The following POFUT1 variants were observed in gnomAD, a reference collection of about 807,000 sequenced individuals.
The protein encoded by POFUT1 is GDP-fucose protein O-fucosyltransferase 1.
A neutral mutation model predicts 42.4 loss-of-function variants in POFUT1; 16 were observed. The observed-to-expected ratio is 0.38, with a 90% CI of 0.26 to 0.57. POFUT1 has a LOEUF of 0.57. Ranked by LOEUF, POFUT1 falls within the 20% of genes least tolerant of loss-of-function variation. The pLI, the probability that POFUT1 is intolerant of heterozygous loss-of-function variation, is 0.71. For missense variants in POFUT1, 470 were observed against 504.6 expected (o/e 0.93, Z 0.66); for synonymous variants, 206 against 205.4 (o/e 1.00, Z -0.03).
In POFUT1 at chr20:32,207,996, C is replaced by G. The variant is rs769174950; in HGVS notation, c.55C>G (p.Leu19Val). 1.3e-6 allele frequency: 2 copies of G among 1,593,596 alleles called. No individual in the cohort carries two copies. Among genetic ancestry groups the G allele is most frequent in the East Asian group, 4.5e-5 (2 of 44,172 alleles). Residue 19 changes from leucine (L) to valine (V), a missense_variant, in exon 1 of 7, where the codon CTG becomes GTG. Transcript: ENST00000375749. ...PLSVSFLLLL[L>V]PLPGMPAGSW... Reference sequence around the variant, plus strand: ...GAGCGTGTCTTTCCTGCTGCTGCTTCTGCCGCTCCCGGGGATGCCTGCGGG... The same window carrying G: ...GAGCGTGTCTTTCCTGCTGCTGCTTGTGCCGCTCCCGGGGATGCCTGCGGG...
chr20:32,218,507 G>A (rs2047373829), intron 4 of POFUT1, among the ~76,000 whole-genome samples: 1 of 152,158 alleles, frequency 6.6e-6, no homozygotes, highest in East Asian at 1.9e-4. Flanking sequence ...GTTCCCTTCT[G>A]GGACTTGCCT....
chr20:32,225,563 AC>A (rs1236162894), intron 4 of POFUT1, among the ~76,000 whole-genome samples: 1 of 152,188 alleles, frequency 6.6e-6, no homozygotes, highest in African/African-American at 2.4e-5. Context: ...ATCATGGCTG[AC>A]TGCAGCCTCA....
intron 5 of POFUT1, among the ~76,000 whole-genome samples, chr20:32,230,329 G>T (rs1167293560): frequency 1.3e-5 from 2 of 150,192 alleles, no homozygotes; most frequent in African/African-American, 4.9e-5. Flanking sequence ...GGAGCTTGCA[G>T]CGAGCAGAGA....
At chr20:32,208,128 C>T in intron 1 of POFUT1, 63 bp downstream of exon 1, 2 of 1,468,656 alleles carry the variant, frequency 1.4e-6, no homozygotes, top group Non-Finnish European at 1.8e-6. Context: ...AAAAGCCACT[C>T]CTCAGATGCG....
At chr20:32,222,950 G>A (rs148187200) in intron 4 of POFUT1, 1 of 984,584 alleles carries the variant, frequency 1.0e-6, no homozygotes, top group Non-Finnish European at 1.2e-6. Context: ...CAGAGAGCTG[G>A]AGGGAAAGGC....
chr20:32,222,776 C>T (rs945853020), intron 4 of POFUT1: 26 of 985,404 alleles, frequency 2.6e-5, no homozygotes, highest in Middle Eastern at 5.2e-4. Flanking sequence ...ATTCAGCTGA[C>T]GCTTACTGCA....
At chr20:32,209,439 G>A (rs1410983954) in intron 1 of POFUT1, among the ~76,000 whole-genome samples, 1 of 152,198 alleles carries the variant, frequency 6.6e-6, no homozygotes, top group Admixed American at 6.5e-5. Context: ...TGTCCTTCTT[G>A]TTCATTCCTG....
chr20:32,207,911 C>A lies in POFUT1; in HGVS notation c.-31C>A, dbSNP rs755008610. On this transcript the variant is annotated 5_prime_UTR_variant, in exon 1 of 7. Coordinates refer to ENST00000375749, the MANE Select transcript of POFUT1 (RefSeq NM_015352.2). Reference sequence around the variant, plus strand: ...GTCCCTCCTTCCCTCCCCGACTGTGCGCCGCGGCTGGCTCGGGTTCCCGGG... The same window carrying A: ...GTCCCTCCTTCCCTCCCCGACTGTGAGCCGCGGCTGGCTCGGGTTCCCGGG... The A allele has an allele frequency of 1.9e-6, 3 of 1,562,638 alleles. No homozygotes were observed. The highest frequency in any genetic ancestry group is 1.7e-6 in the Non-Finnish European group (2 of 1,163,128).
chr20:32,228,889 T>G (rs1308991101), intron 5 of POFUT1, among the ~76,000 whole-genome samples: 1 of 152,262 alleles, frequency 6.6e-6, no homozygotes, highest in Non-Finnish European at 1.5e-5. Context: ...TGCAGAATCC[T>G]TGTATTCCAA....
At chr20:32,221,520 C>G (rs2047390923) in intron 4 of POFUT1, among the ~76,000 whole-genome samples, 1 of 152,010 alleles carries the variant, frequency 6.6e-6, no homozygotes, top group Non-Finnish European at 1.5e-5. Context: ...CAAGACCAGC[C>G]TGGGCAACGT....
intron 2 of POFUT1, among the ~76,000 whole-genome samples, chr20:32,213,762 C>T (rs1046940370): frequency 6.6e-6 from 1 of 152,104 alleles, no homozygotes; most frequent in Non-Finnish European, 1.5e-5. Flanking sequence ...CAGGGTGAGA[C>T]TCCATCTCAA....
chr20:32,230,880 AGT>A lies in POFUT1; in HGVS notation c.803_804del (p.Val268GlyfsTer18). On this transcript the variant is annotated frameshift_variant, in exon 6 of 7. Transcript: ENST00000375749. LOFTEE classifies it high-confidence loss of function. ...GGCTCGCACTTCATGGCCTCTCCGCAGTGTGTGGGCTACAGCCGCAGCACAGC... is the reference window on the plus strand; with the variant it reads ...GGCTCGCACTTCATGGCCTCTCCGCAGTGTGGGCTACAGCCGCAGCACAGC... The A allele has an allele frequency of 6.2e-7, 1 of 1,614,138 alleles. No individual in the cohort carries two copies. The highest frequency in any genetic ancestry group is 8.5e-7 in the Non-Finnish European group (1 of 1,180,020).
In POFUT1 at chr20:32,234,479, G is replaced by A; in HGVS notation, c.985G>A (p.Val329Met). The A allele has an allele frequency of 6.2e-7, 1 of 1,604,776 alleles. No individual in the cohort carries two copies. Among genetic ancestry groups the A allele is most frequent in the South Asian group, 1.1e-5 (1 of 89,572 alleles). Residue 329 changes from valine to methionine, a missense_variant, in exon 7 of 7, where the codon GTG becomes ATG. Val to Met is a conservative substitution (Grantham distance 21). Transcript: ENST00000375749. ...LQQLFKGKVK[V>M]VSLKPEVAQV... ...TCTGTGCTTCTTCCTGCAGGTGAAG[G>A]TGGTGAGCCTGAAGCCTGAGGTGGC... is the stretch of plus-strand genomic sequence containing the variant.
chr20:32,227,415 G>A (rs1481183441), intron 4 of POFUT1, among the ~76,000 whole-genome samples: 1 of 152,222 alleles, frequency 6.6e-6, no homozygotes, highest in East Asian at 1.9e-4. Context: ...AGCTACTCAG[G>A]AGGCTGAGAT....
In POFUT1 at chr20:32,234,512, G is replaced by A. The variant is rs1163610336; in HGVS notation, c.1018G>A (p.Asp340Asn). Reference protein sequence around the residue: ...VSLKPEVAQVDLYILGQADHF... With the variant: ...VSLKPEVAQVNLYILGQADHF... ...CCTGAAGCCTGAGGTGGCCCAGGTC[G>A]ACCTGTACATCCTCGGCCAAGCCGA... Residue 340 changes from aspartate to asparagine, a missense_variant, in exon 7 of 7, where the codon GAC becomes AAC. Coordinates refer to ENST00000375749, the MANE Select transcript of POFUT1 (RefSeq NM_015352.2). The A allele has an allele frequency of 8.1e-6, 13 of 1,613,274 alleles. No homozygotes were observed. Among genetic ancestry groups the A allele is most frequent in the East Asian group, 2.2e-5 (1 of 44,866 alleles).
At chr20:32,213,582 C>T (rs751462378) in intron 2 of POFUT1, among the ~76,000 whole-genome samples, 10 of 151,958 alleles carry the variant, frequency 6.6e-5, no homozygotes, top group Admixed American at 1.3e-4. Flanking sequence ...ACCAGCCTGG[C>T]CAAAATGGTG....
intron 2 of POFUT1, among the ~76,000 whole-genome samples, chr20:32,212,164 T>C (rs117180447): frequency 6.6e-6 from 1 of 152,352 alleles, no homozygotes; most frequent in East Asian, 1.9e-4. Flanking sequence ...CATTACTTGC[T>C]TTGCTATAAA....
At chr20:32,221,154 G>T (rs2047389333) in intron 4 of POFUT1, among the ~76,000 whole-genome samples, 1 of 152,164 alleles carries the variant, frequency 6.6e-6, no homozygotes, top group Non-Finnish European at 1.5e-5. Flanking sequence ...GAGGCAATCT[G>T]TTAAGAAGCC....
intron 3 of POFUT1, among the ~76,000 whole-genome samples, chr20:32,215,803 G>A (rs1156835982): frequency 6.6e-6 from 1 of 152,170 alleles, no homozygotes; most frequent in East Asian, 1.9e-4. Flanking sequence ...CAGGTACCAC[G>A]CTAAGAGCTT....
Sources: allele counts gnomAD v4.1 joint callset (sites outside exome capture counted in the v4.1 genomes callset), GRCh38; gene constraint gnomAD v4.1.1; transcripts MANE v1.5; gene names NCBI Gene and HGNC (gene_info 2026-07-23, HGNC 2026-07-21).